Variants in GLIS1 observed in about 807,000 individuals in gnomAD.
The protein encoded by GLIS1 is zinc finger protein GLIS1.
A neutral mutation model predicts 63.8 loss-of-function variants in GLIS1; 24 were observed. The observed-to-expected ratio is 0.38, with a 90% CI of 0.27 to 0.53. The LOEUF (loss-of-function observed/expected upper bound fraction) is 0.53. Among genes scored for constraint, GLIS1 ranks in the 20% least tolerant of loss-of-function variants. GLIS1 has a pLI of 0.85. For missense variants in GLIS1, 1,036 were observed against 1,074.1 expected (o/e 0.96, Z 0.50); for synonymous variants, 450 against 482.5 (o/e 0.93, Z 0.88).
chr1:53,692,429 G>A (rs11206191), intron 2 of GLIS1, among the ~76,000 whole-genome samples: 37,873 of 152,154 alleles, frequency 0.25, 5,020 homozygotes, highest in African/African-American at 0.35. Flanking sequence ...AGGACGTAAC[G>A]ATAACAATAA....
In GLIS1 at chr1:53,598,443, CAGGAT is replaced by C. The variant is rs1228652318; in HGVS notation, c.437+1653_437+1657del. 6.6e-6 allele frequency among the ~76,000 whole-genome samples: 1 copy of C among 151,840 alleles called. No individual in the cohort carries two copies. Among genetic ancestry groups the C allele is most frequent in the African/African-American group, 2.4e-5 (1 of 41,306 alleles). ...TCAGCTGCTGGAGTGGCTGAGGTGG[CAGGAT>C]CACTTGAGCCTGGGAGGTGGAGGCT... On this transcript the variant is annotated intron_variant, in intron 3 of 10. Coordinates refer to ENST00000628545, the MANE Select transcript of GLIS1 (RefSeq NM_001367484.1). This position sits in a 1 kb window ranked among gnomAD's most constrained non-coding sequence, Gnocchi z 4.6.
intron 2 of GLIS1, among the ~76,000 whole-genome samples, chr1:53,712,008 C>A (rs1646652077): frequency 6.6e-6 from 1 of 152,208 alleles, no homozygotes; most frequent in African/African-American, 2.4e-5. Context: ...CTGTTCTCAT[C>A]CTTAGGGAGT....
intron 2 of GLIS1, among the ~76,000 whole-genome samples, chr1:53,633,991 A>G (rs1490326418): frequency 6.6e-6 from 1 of 152,186 alleles, no homozygotes; most frequent in Admixed American, 6.5e-5. Context: ...ATCCACTGTG[A>G]GTGCAGAGGC....
At chr1:53,715,789 T>C (rs746449600) in intron 2 of GLIS1, among the ~76,000 whole-genome samples, 3 of 151,926 alleles carry the variant, frequency 2.0e-5, no homozygotes, top group Admixed American at 1.3e-4. Context: ...TCTGGCCCCA[T>C]GGAGGCCGTG....
intron 2 of GLIS1, among the ~76,000 whole-genome samples, chr1:53,677,495 C>T (rs538023994): frequency 3.3e-4 from 51 of 152,378 alleles, no homozygotes; most frequent in Non-Finnish European, 6.5e-4. Context: ...CTCTGCTCCA[C>T]GGCCTGGCCA....
At chr1:53,597,136 T>C (rs891634661) in intron 3 of GLIS1, among the ~76,000 whole-genome samples, 1 of 116,858 alleles carries the variant, frequency 8.6e-6, no homozygotes, top group African/African-American at 3.3e-5. Flanking sequence ...AGAGCATTAA[T>C]GCATAAAAAG....
At chr1:53,613,800 T>C (rs141400554) in intron 2 of GLIS1, among the ~76,000 whole-genome samples, 11 of 152,146 alleles carry the variant, frequency 7.2e-5, no homozygotes, top group Non-Finnish European at 1.2e-4. Flanking sequence ...AACCCATCCA[T>C]TCCCCCACAG....
chr1:53,614,174 C>A (rs1300488085), intron 2 of GLIS1, among the ~76,000 whole-genome samples: 1 of 152,182 alleles, frequency 6.6e-6, no homozygotes, highest in Non-Finnish European at 1.5e-5. Flanking sequence ...AGTCTCTACT[C>A]TTATGCGGTT....
chr1:53,606,049 G>C (rs1645366542), intron 2 of GLIS1, among the ~76,000 whole-genome samples: 3 of 152,204 alleles, frequency 2.0e-5, no homozygotes. Flanking sequence ...TCACCCTTCT[G>C]AGCCTCAGTT....
chr1:53,703,982 T>G (rs1337651439), intron 2 of GLIS1, among the ~76,000 whole-genome samples: 1 of 152,232 alleles, frequency 6.6e-6, no homozygotes, highest in African/African-American at 2.4e-5. Context: ...CGCACACATT[T>G]AAGCCTCTTA....
At chr1:53,566,543 C>T (rs994880711) in intron 4 of GLIS1, among the ~76,000 whole-genome samples, 1 of 152,102 alleles carries the variant, frequency 6.6e-6, no homozygotes. Context: ...AAAATATTAC[C>T]AGATCTATAT....
intron 4 of GLIS1, among the ~76,000 whole-genome samples, chr1:53,548,226 A>C (rs1042906714): frequency 6.6e-6 from 1 of 152,212 alleles, no homozygotes; most frequent in Non-Finnish European, 1.5e-5. Context: ...GGGCACCTGA[A>C]GGTGGGGCTC....
rs1237174505 is a variant in GLIS1 at position 53,574,224 on chromosome 1, T to C, written c.1320+19884A>G. 2.0e-5 allele frequency among the ~76,000 whole-genome samples: 3 copies of C among 152,128 alleles called. No individual in the cohort carries two copies. Among genetic ancestry groups the C allele is most frequent in the Non-Finnish European group, 4.4e-5 (3 of 68,020 alleles). On this transcript the variant is annotated intron_variant, in intron 4 of 10. Transcript: ENST00000628545. The surrounding 1 kb of genome is among the most constrained non-coding windows in gnomAD (Gnocchi z 4.2). ...CTCTGAGCCTCAGTTTCCACACATA[T>C]CACTGGGCCTTTGGTCAGCTTCCCC...
intron 4 of GLIS1, 34 bp from the exon 5 acceptor site, chr1:53,529,986 C>T (rs762870349): frequency 6.2e-7 from 1 of 1,600,030 alleles, no homozygotes; most frequent in Non-Finnish European, 8.5e-7. Flanking sequence ...AACTCCCAGC[C>T]CGGTGGGCAC....
At chr1:53,677,992 C>T (rs1034493828) in intron 2 of GLIS1, among the ~76,000 whole-genome samples, 2 of 152,174 alleles carry the variant, frequency 1.3e-5, no homozygotes, top group Admixed American at 6.5e-5. Flanking sequence ...ACCTGAGGTC[C>T]CCACCACCAT....
At chr1:53,622,687 C>G (rs1645558412) in intron 2 of GLIS1, among the ~76,000 whole-genome samples, 1 of 152,064 alleles carries the variant, frequency 6.6e-6, no homozygotes, top group South Asian at 2.1e-4. Flanking sequence ...GGATGCTGGT[C>G]TGCCTCAAGT....
At chr1:53,728,834 G>A (rs184386189) in intron 2 of GLIS1, among the ~76,000 whole-genome samples, 53 of 152,328 alleles carry the variant, frequency 3.5e-4, no homozygotes, top group South Asian at 4.1e-4. Context: ...GAACTGGCCC[G>A]GCACAAAGGC....
At chr1:53,603,606 T>C (rs896046533) in intron 2 of GLIS1, among the ~76,000 whole-genome samples, 1 of 152,198 alleles carries the variant, frequency 6.6e-6, no homozygotes, top group Non-Finnish European at 1.5e-5. Flanking sequence ...AAGACCCAGA[T>C]GGAGGAGGTC....
chr1:53,657,050 C>T (rs1645973838), intron 2 of GLIS1, among the ~76,000 whole-genome samples: 1 of 152,178 alleles, frequency 6.6e-6, no homozygotes. Context: ...ACAAAGGAGA[C>T]ATCACTCATA....
Sources: allele counts gnomAD v4.1 joint callset (sites outside exome capture counted in the v4.1 genomes callset), GRCh38; gene constraint gnomAD v4.1.1; non-coding constraint Gnocchi (gnomAD v3.1); transcripts MANE v1.5; gene names NCBI Gene and HGNC (gene_info 2026-07-23, HGNC 2026-07-21).